The following RBFOX3 variants were observed in gnomAD, a reference collection of about 807,000 sequenced individuals.
RBFOX3 encodes the protein RNA binding protein fox-1 homolog 3.
RBFOX3 carries 17 observed loss-of-function variants against 48.7 expected under a neutral mutation model. The ratio of observed to expected loss-of-function variants is 0.35; its 90% CI spans 0.24 to 0.52. RBFOX3 has a LOEUF of 0.52. Among genes scored for constraint, RBFOX3 ranks in the 20% least tolerant of loss-of-function variants. The pLI, the probability that RBFOX3 is intolerant of heterozygous loss-of-function variation, is 0.94. For missense variants in RBFOX3, 382 were observed against 497.5 expected (o/e 0.77, Z 2.21); for synonymous variants, 212 against 209.5 (o/e 1.01, Z -0.10).
chr17:79,640,869 A>G, the RBFOX3 span, among the ~76,000 whole-genome samples: 1 of 152,182 alleles, frequency 6.6e-6, no homozygotes, highest in Non-Finnish European at 1.5e-5. Flanking sequence ...AAACATAGGG[A>G]AAAAAACTTC....
intron 4 of RBFOX3, among the ~76,000 whole-genome samples, chr17:79,139,663 A>T (rs1027812475): frequency 6.6e-5 from 10 of 151,942 alleles, no homozygotes; most frequent in Non-Finnish European, 1.5e-4. Context: ...GCAGTGGGGG[A>T]CCAATGGGAC....
intron 2 of RBFOX3, among the ~76,000 whole-genome samples, chr17:79,379,108 C>T (rs914310813): frequency 1.3e-5 from 2 of 152,216 alleles, no homozygotes; most frequent in Non-Finnish European, 2.9e-5. Context: ...CGTTCCACCA[C>T]CTCTGCCACT....
chr17:79,104,105 C>T lies in RBFOX3; in HGVS notation c.382G>A (p.Val128Met). 1 of 1,551,328 alleles carries T rather than the reference C, an allele frequency of 6.4e-7. No homozygotes were observed. Among genetic ancestry groups the T allele is most frequent in the Non-Finnish European group, 8.7e-7 (1 of 1,146,918 alleles). ...MFGQFGKILD[V>M]EIIFNERGSK... The stretch of plus-strand genomic sequence containing the variant: ...CCCCGCTCGTTAAAAATGATCTCCA[C>T]GTCTAAAATTTTTCCGAATTGCTGC... Residue 128 changes from valine (V) to methionine (M), a missense_variant, in exon 7 of 15, where the codon GTG becomes ATG. Physicochemically the swap from Val to Met is conservative, Grantham distance 21. Around this residue, in one of 3 missense-constraint regions of RBFOX3, gnomAD observed 49 missense variants for 110.7 expected, o/e 0.44. Transcript: ENST00000693108.
At chr17:79,196,601 C>T (rs1357051029) in intron 4 of RBFOX3, among the ~76,000 whole-genome samples, 1 of 152,228 alleles carries the variant, frequency 6.6e-6, no homozygotes, top group African/African-American at 2.4e-5. Context: ...GGTCCCTTCT[C>T]TCTGCAGTGC....
intron 1 of RBFOX3, among the ~76,000 whole-genome samples, chr17:79,515,488 GA>G (rs2085121871): frequency 6.6e-6 from 1 of 152,186 alleles, no homozygotes; most frequent in Non-Finnish European, 1.5e-5. Context: ...AGGGTTACAA[GA>G]GAACCGCAAT....
At chr17:79,466,256 G>A (rs1202150460) in intron 2 of RBFOX3, among the ~76,000 whole-genome samples, 2 of 152,186 alleles carry the variant, frequency 1.3e-5, no homozygotes, top group Non-Finnish European at 2.9e-5. Context: ...ACCCTCTCCC[G>A]GATTGTTCTC....
intron 4 of RBFOX3, among the ~76,000 whole-genome samples, chr17:79,135,479 AG>A (rs900553188): frequency 1.5e-4 from 23 of 152,166 alleles, no homozygotes; most frequent in Non-Finnish European, 3.1e-4. Context: ...GGGAGGCCTG[AG>A]CCCCTTACAG....
chr17:79,332,374 T>G (rs1338270035), intron 2 of RBFOX3, among the ~76,000 whole-genome samples: 1 of 151,926 alleles, frequency 6.6e-6, no homozygotes, highest in African/African-American at 2.4e-5. Flanking sequence ...GATAAATCAA[T>G]AAACTGCTCG....
At position 79,392,969 on chromosome 17, in the gene RBFOX3, A is replaced by G. The variant is rs898656043; in HGVS notation, c.-174-85145T>C. Among the ~76,000 whole-genome samples, 13 of 152,154 alleles carry G rather than the reference A, an allele frequency of 8.5e-5. No homozygotes were observed. The highest frequency in any genetic ancestry group is 2.2e-4 in the African/African-American group (9 of 41,420). ...ACACATTTCCTTTCCCCAAACCTAA[A>G]CTACCAAGCAAGAGAACCACCAAAA... On this transcript the variant is annotated intron_variant, in intron 2 of 14. Transcript: ENST00000693108. This position sits in a 1 kb window ranked among gnomAD's most constrained non-coding sequence, Gnocchi z 5.0.
chr17:79,231,834 C>T (rs2061070607), intron 4 of RBFOX3, among the ~76,000 whole-genome samples: 1 of 152,036 alleles, frequency 6.6e-6, no homozygotes, highest in Non-Finnish European at 1.5e-5. Context: ...GTCAGAAGGC[C>T]CAGTATTGTT....
chr17:79,091,460 G>A (rs1013412950), intron 14 of RBFOX3, among the ~76,000 whole-genome samples: 1 of 152,214 alleles, frequency 6.6e-6, no homozygotes, highest in Admixed American at 6.5e-5. Context: ...AGCTGCCCAC[G>A]GCTGTGCTCA....
chr17:79,610,615 C>A (rs969508684), intron 1 of RBFOX3, among the ~76,000 whole-genome samples: 32 of 151,974 alleles, frequency 2.1e-4, no homozygotes, highest in African/African-American at 7.5e-4. Context: ...CCCGGAGGGA[C>A]CCAGGGACCC....
chr17:79,101,027 G>A (rs920873569), intron 9 of RBFOX3, among the ~76,000 whole-genome samples: 8 of 152,234 alleles, frequency 5.3e-5, no homozygotes, highest in African/African-American at 1.7e-4. Context: ...ACCTCCCCCC[G>A]GGCCCTTCCT....
intron 4 of RBFOX3, among the ~76,000 whole-genome samples, chr17:79,206,678 T>G (rs1317520907): frequency 6.6e-6 from 1 of 152,200 alleles, no homozygotes; most frequent in Admixed American, 6.5e-5. Flanking sequence ...AGGCCACCAC[T>G]GCTCAGCTGT....
chr17:79,449,757 G>T (rs1555740432), intron 2 of RBFOX3, among the ~76,000 whole-genome samples: 1 of 152,014 alleles, frequency 6.6e-6, no homozygotes, highest in Non-Finnish European at 1.5e-5. Flanking sequence ...CACATACATG[G>T]ATGCAACCTC....
At chr17:79,552,671 G>C (rs1016037701) in intron 1 of RBFOX3, among the ~76,000 whole-genome samples, 1 of 152,122 alleles carries the variant, frequency 6.6e-6, no homozygotes, top group African/African-American at 2.4e-5. Flanking sequence ...TTTAAGGCTT[G>C]GCTCCATTTG....
At chr17:79,140,836 G>C (rs1400320281) in intron 4 of RBFOX3, among the ~76,000 whole-genome samples, 1 of 152,120 alleles carries the variant, frequency 6.6e-6, no homozygotes, top group Non-Finnish European at 1.5e-5. Flanking sequence ...TTTTGCCAAA[G>C]ACCTATCAGA....
chr17:79,226,398 C>T (rs2060315039), intron 4 of RBFOX3, among the ~76,000 whole-genome samples: 1 of 152,210 alleles, frequency 6.6e-6, no homozygotes, highest in African/African-American at 2.4e-5. Flanking sequence ...AGATGGACCT[C>T]ATGACCATCT....
intron 4 of RBFOX3, among the ~76,000 whole-genome samples, chr17:79,190,380 C>T (rs2054224457): frequency 7.3e-6 from 1 of 137,202 alleles, no homozygotes; most frequent in African/African-American, 2.7e-5. Flanking sequence ...CATTGCACTC[C>T]AGCCTGGGCA....
Sources: allele counts gnomAD v4.1 joint callset (sites outside exome capture counted in the v4.1 genomes callset), GRCh38; gene constraint gnomAD v4.1.1; regional missense constraint gnomAD v4.1.1; non-coding constraint Gnocchi (gnomAD v3.1); transcripts MANE v1.5; gene names NCBI Gene and HGNC (gene_info 2026-07-23, HGNC 2026-07-21).